Variants in SH3PXD2A observed in about 807,000 individuals in gnomAD.
The protein encoded by SH3PXD2A is SH3 and PX domain-containing protein 2A.
A neutral mutation model predicts 115.2 loss-of-function variants in SH3PXD2A; 32 were observed. The ratio of observed to expected loss-of-function variants is 0.28; its 90% CI spans 0.21 to 0.37. The LOEUF (loss-of-function observed/expected upper bound fraction) is 0.37, where lower values mean the gene tolerates loss of function less well. Among genes scored for constraint, SH3PXD2A ranks in the 10% least tolerant of loss-of-function variants. SH3PXD2A has a pLI of 1.00. For missense variants in SH3PXD2A, 1,328 were observed against 1,498.7 expected (o/e 0.89, Z 1.88); for synonymous variants, 610 against 629.1 (o/e 0.97, Z 0.45).
At chr10:103,848,948 CT>C (rs146019283) in intron 1 of SH3PXD2A, among the ~76,000 whole-genome samples, 7 of 69,662 alleles carry the variant, frequency 1.0e-4, no homozygotes, top group South Asian at 8.1e-4. Context: ...CCCATATATT[CT>C]TTTTTTTTTT....
chr10:103,660,286 C>T (rs899192873), intron 8 of SH3PXD2A, among the ~76,000 whole-genome samples: 3 of 152,144 alleles, frequency 2.0e-5, no homozygotes, highest in African/African-American at 7.2e-5. Flanking sequence ...CTTCACCTGC[C>T]ATGACTCCTG....
intron 3 of SH3PXD2A, chr10:103,736,899 G>A: frequency 1.5e-6 from 1 of 653,064 alleles, no homozygotes; most frequent in Non-Finnish European, 2.4e-6. Flanking sequence ...AGCAACAAAG[G>A]TAGCCACAGG....
chr10:103,798,995 T>C (rs986917420), intron 2 of SH3PXD2A, among the ~76,000 whole-genome samples: 1 of 152,192 alleles, frequency 6.6e-6, no homozygotes, highest in Non-Finnish European at 1.5e-5. Context: ...AAACGTGGAT[T>C]CACTCATTCA....
intron 2 of SH3PXD2A, among the ~76,000 whole-genome samples, chr10:103,794,568 C>T (rs2039068695): frequency 6.6e-6 from 1 of 152,168 alleles, no homozygotes; most frequent in Admixed American, 6.5e-5. Flanking sequence ...AAACGTGGTC[C>T]AGCCACCCGT....
At chr10:103,760,631 CAATAT>C (rs1333960006) in intron 3 of SH3PXD2A, among the ~76,000 whole-genome samples, 3 of 150,260 alleles carry the variant, frequency 2.0e-5, no homozygotes, top group African/African-American at 7.3e-5. Flanking sequence ...ATATACAATA[CAATAT>C]ATGTATATAA....
chr10:103,672,150 T>G (rs1226604541), intron 6 of SH3PXD2A, among the ~76,000 whole-genome samples: 1 of 152,206 alleles, frequency 6.6e-6, no homozygotes, highest in Non-Finnish European at 1.5e-5. Context: ...CCGGGCATGA[T>G]GGTGAGCATC....
At chr10:103,776,893 A>G (rs750266361) in intron 2 of SH3PXD2A, among the ~76,000 whole-genome samples, 9 of 152,226 alleles carry the variant, frequency 5.9e-5, no homozygotes, top group Non-Finnish European at 1.3e-4. Context: ...GGACTTCAAT[A>G]TATGAATTTT....
intron 3 of SH3PXD2A, among the ~76,000 whole-genome samples, chr10:103,744,610 TC>T (rs1279836419): frequency 6.6e-6 from 1 of 152,154 alleles, no homozygotes; most frequent in Non-Finnish European, 1.5e-5. Context: ...TGTACCTGGC[TC>T]AGATCACACC....
rs2036579863 is a variant in SH3PXD2A, at chr10:103,620,044, G to GTGTCAA, written c.802+2425_802+2426insTTGACA. ...TCCAACTCACAGGTGTCCCAAGGAA[G>GTGTCAA]AGAGACTTGCCTGGGCCACAAACCC... On this transcript the variant is annotated intron_variant, in intron 10 of 14. Coordinates refer to ENST00000369774, the MANE Select transcript of SH3PXD2A (RefSeq NM_001394015.1). The surrounding 1 kb of genome is among the most constrained non-coding windows in gnomAD (Gnocchi z 5.3). Among the ~76,000 whole-genome samples, 1 of 152,228 alleles carries GTGTCAA rather than the reference G, an allele frequency of 6.6e-6. No homozygotes were observed.
chr10:103,608,150 T>TAAAAAAAAAAAAAAAAAAGGTTAC (rs1554903068), intron 13 of SH3PXD2A, among the ~76,000 whole-genome samples: 2 of 32,660 alleles, frequency 6.1e-5, no homozygotes, highest in Non-Finnish European at 9.0e-5. Flanking sequence ...ATGATCAATT[T>TAAAAAAAAAAAAAAAAAAGGTTAC]AAAAAAAAAA....
intron 6 of SH3PXD2A, among the ~76,000 whole-genome samples, chr10:103,679,275 G>A (rs766476544): frequency 6.6e-6 from 1 of 152,170 alleles, no homozygotes; most frequent in Non-Finnish European, 1.5e-5. Flanking sequence ...CTCCATCTTG[G>A]TATCACTGAG....
intron 2 of SH3PXD2A, among the ~76,000 whole-genome samples, chr10:103,767,549 C>T (rs999605800): frequency 2.0e-5 from 3 of 152,182 alleles, no homozygotes; most frequent in Non-Finnish European, 2.9e-5. Context: ...ATCCTTCAGC[C>T]ACTGGCCATC....
intron 3 of SH3PXD2A, among the ~76,000 whole-genome samples, chr10:103,760,678 G>A (rs939144498): frequency 3.3e-5 from 5 of 151,608 alleles, no homozygotes; most frequent in Non-Finnish European, 5.9e-5. Flanking sequence ...AGGGAAAGAT[G>A]AATACTTTTT....
At chr10:103,630,745 TAA>T (rs57562821) in intron 8 of SH3PXD2A, among the ~76,000 whole-genome samples, 23,338 of 117,178 alleles carry the variant, frequency 0.2, 2,214 homozygotes, top group East Asian at 0.25. Flanking sequence ...TCCCTTCTCT[TAA>T]AAAAAAAAAA....
intron 14 of SH3PXD2A, among the ~76,000 whole-genome samples, chr10:103,604,608 G>A (rs373160227): frequency 6.6e-6 from 1 of 152,206 alleles, no homozygotes; most frequent in Non-Finnish European, 1.5e-5. Flanking sequence ...AAGGGGTAGC[G>A]TGAAAACACT....
chr10:103,829,491 G>C (rs981752627), intron 1 of SH3PXD2A, among the ~76,000 whole-genome samples: 2 of 152,158 alleles, frequency 1.3e-5, no homozygotes, highest in Non-Finnish European at 2.9e-5. Context: ...AATAGGTCTG[G>C]TTCTAGCCTT....
At chr10:103,839,572 A>G (rs114536155) in intron 1 of SH3PXD2A, among the ~76,000 whole-genome samples, 5,977 of 151,480 alleles carry the variant, frequency 0.039, 390 homozygotes, top group African/African-American at 0.14. Flanking sequence ...CCCTCCCCCA[A>G]GGCCACACAG....
intron 13 of SH3PXD2A, among the ~76,000 whole-genome samples, chr10:103,610,742 A>G (rs1364759340): frequency 6.6e-6 from 1 of 152,190 alleles, no homozygotes; most frequent in Non-Finnish European, 1.5e-5. Flanking sequence ...AGCCCCCCAC[A>G]TAAATCATCT....
intron 8 of SH3PXD2A, among the ~76,000 whole-genome samples, chr10:103,659,062 C>T (rs1051873938): frequency 6.6e-6 from 1 of 152,240 alleles, no homozygotes; most frequent in Non-Finnish European, 1.5e-5. Context: ...CAGCCATCAG[C>T]AGCTCCTCAG....
Sources: allele counts gnomAD v4.1 joint callset (sites outside exome capture counted in the v4.1 genomes callset), GRCh38; gene constraint gnomAD v4.1.1; non-coding constraint Gnocchi (gnomAD v3.1); transcripts MANE v1.5; gene names NCBI Gene and HGNC (gene_info 2026-07-23, HGNC 2026-07-21).